The following CDH17 variants were observed in gnomAD, a reference collection of about 807,000 sequenced individuals.
The protein encoded by CDH17 is cadherin-17.
CDH17 carries 67 observed loss-of-function variants against 86.3 expected under a neutral mutation model. The ratio of observed to expected loss-of-function variants is 0.78; its 90% CI spans 0.64 to 0.95. CDH17 has a LOEUF of 0.95. Among genes scored for constraint, CDH17 ranks in the 40% least tolerant of loss-of-function variants. The pLI, the probability that CDH17 is intolerant of heterozygous loss-of-function variation, is 0.00. For missense variants in CDH17, 993 were observed against 1,017.6 expected (o/e 0.98, Z 0.33); for synonymous variants, 367 against 366.4 (o/e 1.00, Z -0.02).
chr8:94,183,417 G>A (rs931672717), intron 3 of CDH17, among the ~76,000 whole-genome samples: 12 of 152,112 alleles, frequency 7.9e-5, no homozygotes, highest in Admixed American at 3.3e-4. Flanking sequence ...TGGGAGGCCA[G>A]AAACAATTCA....
In CDH17 at chr8:94,176,563, T is replaced by C. The variant is rs1813377623; in HGVS notation, c.402A>G (p.Ser134=). The change falls in exon 5 of 18, where the codon TCA becomes TCG. Residue 134 remains serine, a synonymous_variant. Transcript: ENST00000027335. ...TACCTGGGCGAGAGTTCTGCCTTAC[T>C]GAGCCTTCGTACTTTGACTGGAGAA... ...PTFLQSKYEG[S]VRQNSRPGKP... 2 of 1,613,678 alleles carry C rather than the reference T, an allele frequency of 1.2e-6. No homozygotes were observed. Among genetic ancestry groups the C allele is most frequent in the African/African-American group, 2.7e-5 (2 of 74,902 alleles).
chr8:94,130,671 C>T lies in CDH17; in HGVS notation c.2353G>A (p.Val785Met), dbSNP rs947627544. ...PAGHQTGIPT[V>M]GMAVGILLTT... ...AGCAGTATACCAACTGCCATGCCCA[C>T]AGTGGGTATCCCAGTCTGGTGACCT... The change falls in exon 17 of 18, where the codon GTG becomes ATG. Residue 785 changes from valine (V) to methionine (M), a missense_variant. Transcript: ENST00000027335. 1.7e-5 allele frequency: 27 copies of T among 1,613,822 alleles called. No homozygotes were observed. The highest frequency in any genetic ancestry group is 2.3e-5 in the Non-Finnish European group (27 of 1,179,924).
At chr8:94,208,312 C>T (rs1430487300) in intron 1 of CDH17, among the ~76,000 whole-genome samples, 171 bp downstream of exon 1, 2 of 152,136 alleles carry the variant, frequency 1.3e-5, no homozygotes, top group Non-Finnish European at 2.9e-5. Context: ...AAATTGTGCT[C>T]CATAAGCAAA....
Position 94,194,643 on chromosome 8 carries a change from G to T in CDH17, c.43C>A (p.Leu15Ile), listed in dbSNP as rs757568210. ...AHLHSLCLLM[L>I]YLATGYGQEG... Reference sequence around the variant, plus strand: ...ACACCCTCTTCTCTTACCAAATAAAGCATAAGAAGACACAGGGAGTGAAGA... The same window carrying T: ...ACACCCTCTTCTCTTACCAAATAAATCATAAGAAGACACAGGGAGTGAAGA... The change falls in exon 2 of 18, where the codon CTT (leucine) becomes ATT (isoleucine). Residue 15 changes from leucine (L) to isoleucine (I), a missense_variant. Leu to Ile is a conservative substitution (Grantham distance 5). Coordinates refer to ENST00000027335, the MANE Select transcript of CDH17 (RefSeq NM_004063.4). 1 of 1,602,190 alleles carries T rather than the reference G, an allele frequency of 6.2e-7. No individual in the cohort carries two copies. The highest frequency in any genetic ancestry group is 8.5e-7 in the Non-Finnish European group (1 of 1,170,970).
At chr8:94,204,424 G>T (rs1813984500) in intron 1 of CDH17, among the ~76,000 whole-genome samples, 3 of 152,152 alleles carry the variant, frequency 2.0e-5, no homozygotes, top group Admixed American at 2.0e-4. Flanking sequence ...GTGTTAGTTT[G>T]CTGAGAATGA....
intron 12 of CDH17, among the ~76,000 whole-genome samples, chr8:94,159,135 A>G (rs1355194779): frequency 6.6e-6 from 1 of 152,182 alleles, no homozygotes; most frequent in Non-Finnish European, 1.5e-5. Flanking sequence ...AACCCATGAC[A>G]TGCTCTAAAC....
At chr8:94,165,126 G>A (rs532607315) in intron 10 of CDH17, among the ~76,000 whole-genome samples, 7 of 152,256 alleles carry the variant, frequency 4.6e-5, no homozygotes, top group Admixed American at 4.6e-4. Context: ...ATTATGTTCT[G>A]CAGAATGTGC....
At chr8:94,149,572 G>A (rs960360845) in intron 13 of CDH17, among the ~76,000 whole-genome samples, 6 of 152,112 alleles carry the variant, frequency 3.9e-5, no homozygotes, top group African/African-American at 7.2e-5. Flanking sequence ...AGAAGAAGAC[G>A]CTTCAAGTAG....
At chr8:94,168,100 ATATATATATATATATAT>A (rs1563576811) in intron 9 of CDH17, among the ~76,000 whole-genome samples, 1 of 640 alleles carries the variant, frequency 1.6e-3, no homozygotes, top group African/African-American at 4.3e-3. Context: ...ACTGGGGAAT[ATATATATATATATATAT>A]ATATATATAT....
At chr8:94,164,590 G>T (rs1346727020) in intron 10 of CDH17, among the ~76,000 whole-genome samples, 1 of 152,122 alleles carries the variant, frequency 6.6e-6, no homozygotes, top group Non-Finnish European at 1.5e-5. Flanking sequence ...TTCCGCATTA[G>T]GGCCCTACTA....
chr8:94,200,537 GTTTTTTTT>G lies in CDH17; in HGVS notation c.-20-5840_-20-5833del, dbSNP rs10600702. On this transcript the variant is annotated intron_variant, in intron 1 of 17. Coordinates refer to ENST00000027335, the MANE Select transcript of CDH17 (RefSeq NM_004063.4). ...CAGAGGGTTATTATTATTATCTTTT[GTTTTTTTT>G]TTTTTTTTTTTTTTTTTTTTTTTAC... 3.5e-4 allele frequency among the ~76,000 whole-genome samples: 20 copies of G among 56,942 alleles called. 1 individual carries two copies. Among genetic ancestry groups the G allele is most frequent in the East Asian group, 6.1e-4 (1 of 1,646 alleles). The allele number at this position is 56,942 out of a possible 152,430, so 37.4% of individuals were successfully genotyped here.
intron 1 of CDH17, chr8:94,202,776 C>T (rs535122534): frequency 2.8e-4 from 46 of 162,744 alleles, no homozygotes; most frequent in Non-Finnish European, 4.1e-4. Flanking sequence ...CCAGGCATCA[C>T]CATTCTTGTC....
At chr8:94,166,029 T>C (rs1356710262) in intron 9 of CDH17, 53 bp from the exon 10 acceptor site, 6 of 1,065,810 alleles carry the variant, frequency 5.6e-6, no homozygotes, top group Non-Finnish European at 8.5e-6. Flanking sequence ...ACATAATCTA[T>C]TAAAATAGTT....
intron 5 of CDH17, among the ~76,000 whole-genome samples, chr8:94,175,573 C>T (rs1813355893): frequency 1.3e-5 from 2 of 152,084 alleles, no homozygotes; most frequent in South Asian, 4.2e-4. Flanking sequence ...ACTCTGAAGT[C>T]TAATATTCAT....
intron 8 of CDH17, 94 bp from the exon 9 acceptor site, chr8:94,170,641 C>T: frequency 7.0e-7 from 1 of 1,428,892 alleles, no homozygotes; most frequent in Non-Finnish European, 9.5e-7. Flanking sequence ...GTCATTTACT[C>T]CCTTATTTTT....
rs1340677375 is a variant in CDH17 at position 94,173,784 on chromosome 8, G to A, written c.783+13C>T. On this transcript the variant is annotated intron_variant, in intron 7 of 17. Coordinates refer to ENST00000027335, the MANE Select transcript of CDH17 (RefSeq NM_004063.4). ...CTAGTTGGCTCTCAGTGTTACTTGG[G>A]CTTGGGTACTACCTGAGTGATTTTG... 1.2e-6 allele frequency: 2 copies of A among 1,609,244 alleles called. No individual in the cohort carries two copies. The highest frequency in any genetic ancestry group is 4.5e-5 in the East Asian group (2 of 44,842).
intron 2 of CDH17, among the ~76,000 whole-genome samples, chr8:94,192,341 G>A (rs774870672): frequency 1.8e-4 from 28 of 152,172 alleles, no homozygotes; most frequent in Non-Finnish European, 3.7e-4. Context: ...AGGGAATAGC[G>A]TTTTCCATCT....
intron 1 of CDH17, among the ~76,000 whole-genome samples, chr8:94,200,541 T>G (rs1472788026): frequency 5.5e-5 from 7 of 127,398 alleles, no homozygotes; most frequent in African/African-American, 2.1e-4. Flanking sequence ...TCTTTTGTTT[T>G]TTTTTTTTTT....
intron 12 of CDH17, among the ~76,000 whole-genome samples, chr8:94,157,172 C>T (rs1812963720): frequency 6.6e-6 from 1 of 152,152 alleles, no homozygotes; most frequent in Admixed American, 6.5e-5. Context: ...GTGATTAGCA[C>T]ATTTGTAATT....
Sources: gnomAD v4.1 joint callset for allele counts (sites outside exome capture counted in the v4.1 genomes callset) on GRCh38, gnomAD v4.1.1 for gene constraint, MANE v1.5 for transcripts, NCBI Gene and HGNC (gene_info 2026-07-23, HGNC 2026-07-21) for gene names.